Variants in ATP8B4 observed in about 807,000 individuals in gnomAD.
ATP8B4 encodes probable phospholipid-transporting ATPase IM.
ATP8B4 carries 133 observed loss-of-function variants against 145.6 expected under a neutral mutation model. The ratio of observed to expected loss-of-function variants is 0.91; its 90% confidence interval spans 0.79 to 1.05. ATP8B4 has a LOEUF of 1.05. ATP8B4 is among the 50% of genes least tolerant of loss of function. ATP8B4 has a pLI of 0.00. For missense variants in ATP8B4, 1,458 were observed against 1,425.2 expected, an observed-to-expected ratio of 1.02 and a Z score of -0.37; for synonymous variants, 507 against 492.9, an observed-to-expected ratio of 1.03 and a Z score of -0.38.
chr15:50,020,831 C>T (rs2414001), intron 6 of ATP8B4, among the ~76,000 whole-genome samples: 87,957 of 152,020 alleles, frequency 0.58, 27,056 homozygotes, highest in East Asian at 0.99. Flanking sequence ...GGTACTACTG[C>T]TATTTTGTCA....
At chr15:50,016,549 T>C (rs1219799632) in intron 6 of ATP8B4, among the ~76,000 whole-genome samples, 1 of 152,148 alleles carries the variant, frequency 6.6e-6, no homozygotes, top group African/African-American at 2.4e-5. Context: ...AGTTGGGCTG[T>C]TGATGTAGCC....
chr15:50,165,485 G>T (rs1425197336), intron 1 of ATP8B4, among the ~76,000 whole-genome samples: 1 of 152,108 alleles, frequency 6.6e-6, no homozygotes, highest in African/African-American at 2.4e-5. Flanking sequence ...GGGGGATGGT[G>T]GGGGCAATCA....
chr15:50,053,486 T>C (rs935237337), intron 3 of ATP8B4, among the ~76,000 whole-genome samples: 5 of 152,232 alleles, frequency 3.3e-5, no homozygotes, highest in African/African-American at 9.6e-5. Flanking sequence ...ATTCAGTTTA[T>C]TTACCTTCTC....
intron 1 of ATP8B4, among the ~76,000 whole-genome samples, chr15:50,168,626 A>C (rs1002126425): frequency 2.0e-4 from 30 of 152,278 alleles, no homozygotes; most frequent in African/African-American, 7.2e-4. Flanking sequence ...CCACAGGGAG[A>C]AGGAATTCTC....
At chr15:50,129,465 C>A (rs6493404) in intron 1 of ATP8B4, among the ~76,000 whole-genome samples, 1 of 152,170 alleles carries the variant, frequency 6.6e-6, no homozygotes, top group Non-Finnish European at 1.5e-5. Context: ...TCCACACTCT[C>A]CCTCTATCAA....
chr15:50,109,579 C>A (rs80016374), intron 1 of ATP8B4, among the ~76,000 whole-genome samples: 1 of 151,712 alleles, frequency 6.6e-6, no homozygotes. Flanking sequence ...TCAACATGTT[C>A]TGTGTTCATT....
intron 1 of ATP8B4, among the ~76,000 whole-genome samples, chr15:50,128,581 T>C (rs2057322300): frequency 6.6e-6 from 1 of 152,212 alleles, no homozygotes; most frequent in African/African-American, 2.4e-5. Flanking sequence ...GATGCCATTC[T>C]GGAGAGAAGC....
intron 3 of ATP8B4, among the ~76,000 whole-genome samples, chr15:50,073,453 T>A (rs1433923426): frequency 6.6e-6 from 1 of 152,168 alleles, no homozygotes; most frequent in Admixed American, 6.5e-5. Flanking sequence ...CCATGGTGTA[T>A]ATGTGCCACA....
intron 7 of ATP8B4, among the ~76,000 whole-genome samples, chr15:50,006,536 T>C (rs1315626880): frequency 1.6e-5 from 2 of 127,174 alleles, no homozygotes; most frequent in Admixed American, 7.8e-5. Flanking sequence ...GTGTCCAAGA[T>C]AGGTGTTGAA....
intron 5 of ATP8B4, among the ~76,000 whole-genome samples, chr15:50,044,294 T>C (rs921066813): frequency 4.6e-5 from 7 of 152,236 alleles, no homozygotes; most frequent in Non-Finnish European, 1.0e-4. Flanking sequence ...TGCAGGTTGA[T>C]TTCCAATTCT....
At chr15:49,877,455 A>G (rs1213800526) in intron 24 of ATP8B4, among the ~76,000 whole-genome samples, 1 of 152,214 alleles carries the variant, frequency 6.6e-6, no homozygotes, top group Non-Finnish European at 1.5e-5. Context: ...GGAGAGGAAC[A>G]TTCCCCTTCC....
At chr15:49,871,270 A>G (rs1490378039) in intron 25 of ATP8B4, among the ~76,000 whole-genome samples, 2 of 152,232 alleles carry the variant, frequency 1.3e-5, no homozygotes, top group East Asian at 3.8e-4. Flanking sequence ...CACAGTATCC[A>G]GTGTTTCCTT....
At chr15:49,940,438 T>C (rs777997232) in intron 14 of ATP8B4, among the ~76,000 whole-genome samples, 6 of 152,110 alleles carry the variant, frequency 3.9e-5, no homozygotes, top group Non-Finnish European at 7.4e-5. Flanking sequence ...GAACTACCTA[T>C]TCAGTACTAT....
chr15:50,022,409 A>T (rs2049652901), intron 6 of ATP8B4, among the ~76,000 whole-genome samples: 1 of 152,226 alleles, frequency 6.6e-6, no homozygotes, highest in Non-Finnish European at 1.5e-5. Context: ...ACTGTGAGTT[A>T]TGAAAACAGA....
intron 5 of ATP8B4, among the ~76,000 whole-genome samples, chr15:50,042,563 G>A (rs1180835129): frequency 2.0e-5 from 3 of 151,954 alleles, no homozygotes; most frequent in African/African-American, 7.3e-5. Flanking sequence ...AAGAACCAAA[G>A]CACTTTGGTT....
upstream of ATP8B4, among the ~76,000 whole-genome samples, chr15:50,123,621 A>C (rs936453327): frequency 2.0e-5 from 3 of 151,964 alleles, no homozygotes; most frequent in Non-Finnish European, 4.4e-5. Flanking sequence ...CAATCCCCAA[A>C]TTTTCAGGGA....
At chr15:50,052,328 G>A (rs1191750933) in intron 3 of ATP8B4, among the ~76,000 whole-genome samples, 1 of 152,194 alleles carries the variant, frequency 6.6e-6, no homozygotes, top group African/African-American at 2.4e-5. Context: ...GAGCCTCTTT[G>A]GTGCTGATAA....
intron 2 of ATP8B4, among the ~76,000 whole-genome samples, chr15:50,088,951 G>C (rs1378136073): frequency 6.6e-6 from 1 of 152,120 alleles, no homozygotes; most frequent in African/African-American, 2.4e-5. Flanking sequence ...TCTCTATTCT[G>C]TTCCATTGGT....
chr15:50,175,133 GC>G (rs1350470803), intron 1 of ATP8B4, among the ~76,000 whole-genome samples: 2 of 152,066 alleles, frequency 1.3e-5, no homozygotes, highest in Non-Finnish European at 2.9e-5. Context: ...CTCACCTTAT[GC>G]AAAAATCAAC....
Sources: allele counts gnomAD v4.1 joint callset (sites outside exome capture counted in the v4.1 genomes callset), GRCh38; gene constraint gnomAD v4.1.1; transcripts MANE v1.5; gene names NCBI Gene and HGNC (gene_info 2026-07-23, HGNC 2026-07-21).